Variants in GRIK2 observed in about 807,000 individuals in gnomAD.
GRIK2 encodes glutamate ionotropic receptor kainate type subunit 2.
In GRIK2, 32 loss-of-function variants were observed where a neutral mutation model predicts 100.3. That is an observed-to-expected ratio of 0.32 (90% CI 0.24 to 0.43). GRIK2 has a LOEUF of 0.43. Ranked by LOEUF, GRIK2 falls within the 20% of genes least tolerant of loss-of-function variation. The pLI, the probability that GRIK2 is intolerant of heterozygous loss-of-function variation, is 1.00. For missense variants in GRIK2, 843 were observed against 1,114.9 expected, an observed-to-expected ratio of 0.76 and a Z score of 3.47; for synonymous variants, 417 against 389.4, an observed-to-expected ratio of 1.07 and a Z score of -0.83.
rs1295972240 is a variant in GRIK2, at chr6:101,913,519, A to G, written c.1749-11082A>G. 2.6e-4 allele frequency among the ~76,000 whole-genome samples: 39 copies of G among 151,592 alleles called. No homozygotes were observed. The Admixed American group carries it at 2.6e-3, about 10-fold the overall frequency. On this transcript the variant is annotated intron_variant, in intron 12 of 16. Transcript: ENST00000369134. ...ATGTAAAATTAAAATGACATACTTC[A>G]TTCATTTAATCTATTAGTAAGTGAA...
At chr6:101,983,784 AACCATGTATTTCT>A (rs1177566004) in intron 14 of GRIK2, among the ~76,000 whole-genome samples, 2 of 151,764 alleles carry the variant, frequency 1.3e-5, no homozygotes, top group African/African-American at 4.8e-5. Flanking sequence ...AATGTACAGA[AACCATGTATTTCT>A]AATCCCTTAA....
intron 7 of GRIK2, among the ~76,000 whole-genome samples, chr6:101,705,017 A>G (rs957771114): frequency 1.4e-5 from 2 of 146,942 alleles, no homozygotes; most frequent in Admixed American, 6.9e-5. Context: ...ATTTATATTT[A>G]TATATTATAT....
At chr6:101,424,723 C>A (rs533564018) in intron 2 of GRIK2, among the ~76,000 whole-genome samples, 1 of 151,734 alleles carries the variant, frequency 6.6e-6, no homozygotes, top group South Asian at 2.1e-4. Context: ...CCCTCTCCCC[C>A]CACCCACAAC....
At position 101,651,025 on chromosome 6, in the gene GRIK2, GC is replaced by G. The variant is rs1781765916; in HGVS notation, c.541+24389del. 2.3e-4 allele frequency among the ~76,000 whole-genome samples: 11 copies of G among 48,836 alleles called. No individual in the cohort carries two copies. In the South Asian group the frequency reaches 6.6e-3, roughly 29 times the overall value. The allele number at this position is 48,836 out of a possible 152,430, so 32.0% of individuals were successfully genotyped here. A position where few individuals can be genotyped will look rare whatever the true frequency, so the allele number is the denominator to read the frequency against. On this transcript the variant is annotated intron_variant, in intron 4 of 16. Transcript: ENST00000369134. ...TTTTCTTTTTTTTTTTTTTTTTTTG[GC>G]AACAAATAGCTTTCTTTTAAATTCA...
chr6:102,010,851 C>A (rs1195111924), intron 14 of GRIK2, among the ~76,000 whole-genome samples: 2 of 151,466 alleles, frequency 1.3e-5, no homozygotes, highest in African/African-American at 4.9e-5. Flanking sequence ...TGTTTTCTTT[C>A]TTGGGTAGAG....
chr6:101,445,897 C>T (rs1020682116), intron 2 of GRIK2, among the ~76,000 whole-genome samples: 8 of 152,050 alleles, frequency 5.3e-5, no homozygotes, highest in Non-Finnish European at 7.4e-5. Flanking sequence ...ATTGCAAATA[C>T]TTAGTGAGAT....
intron 10 of GRIK2, among the ~76,000 whole-genome samples, chr6:101,838,453 G>A (rs1055440117): frequency 6.6e-6 from 1 of 151,970 alleles, no homozygotes; most frequent in Non-Finnish European, 1.5e-5. Flanking sequence ...ATGGATTCCA[G>A]CCACATGTGT....
chr6:101,793,723 C>A (rs1181650366), intron 7 of GRIK2, among the ~76,000 whole-genome samples: 2 of 152,092 alleles, frequency 1.3e-5, no homozygotes. Context: ...CTGGGAGAAC[C>A]ACTGCTCTCT....
chr6:102,024,254 G>A (rs1056650628), intron 14 of GRIK2, among the ~76,000 whole-genome samples: 2 of 150,964 alleles, frequency 1.3e-5, no homozygotes, highest in African/African-American at 4.8e-5. Flanking sequence ...AGGTAGGCTG[G>A]AAATGACTTG....
intron 14 of GRIK2, among the ~76,000 whole-genome samples, chr6:101,943,022 G>A (rs998383752): frequency 2.0e-5 from 3 of 152,106 alleles, no homozygotes; most frequent in Non-Finnish European, 4.4e-5. Flanking sequence ...CCTAGGAGGG[G>A]AAAAAAATGG....
intron 14 of GRIK2, among the ~76,000 whole-genome samples, chr6:102,017,205 C>T (rs1769159478): frequency 1.3e-5 from 2 of 152,158 alleles, no homozygotes; most frequent in African/African-American, 2.4e-5. Context: ...AACAAGTTGG[C>T]ATAATAAACA....
chr6:101,467,931 A>T (rs2579936), intron 2 of GRIK2, among the ~76,000 whole-genome samples: 39,709 of 141,062 alleles, frequency 0.28, 5,814 homozygotes, highest in East Asian at 0.36. Flanking sequence ...CCCACGATAT[A>T]TTTTTTTTTT....
intron 2 of GRIK2, chr6:101,430,999 C>T (rs1769351992): frequency 7.6e-6 from 2 of 262,034 alleles, no homozygotes; most frequent in Non-Finnish European, 1.6e-5. Flanking sequence ...CTCCAGAGTC[C>T]ATGACAATAC....
intron 4 of GRIK2, among the ~76,000 whole-genome samples, chr6:101,670,629 G>A (rs17062288): frequency 1.3e-5 from 2 of 152,078 alleles, no homozygotes; most frequent in Admixed American, 6.5e-5. Context: ...GAGCTAATAT[G>A]TAACTATATA....
intron 14 of GRIK2, among the ~76,000 whole-genome samples, chr6:101,936,456 A>T (rs2128474247): frequency 6.6e-6 from 1 of 152,192 alleles, no homozygotes; most frequent in East Asian, 1.9e-4. Flanking sequence ...TTTAATATAA[A>T]TTGGTCATGT....
chr6:101,912,331 C>T (rs1371321998), intron 12 of GRIK2, among the ~76,000 whole-genome samples: 1 of 151,428 alleles, frequency 6.6e-6, no homozygotes, highest in Non-Finnish European at 1.5e-5. Flanking sequence ...CTAACAGACT[C>T]TCTTAAGAAG....
chr6:101,855,817 T>C (rs1784396922), intron 10 of GRIK2, among the ~76,000 whole-genome samples: 1 of 3,752 alleles, frequency 2.7e-4, no homozygotes, highest in Admixed American at 4.5e-3. Flanking sequence ...CTGGGGAGAA[T>C]GGACTGAGGG....
rs182668960 is a variant in GRIK2 at position 101,654,753 on chromosome 6, G to A, written c.542-21870G>A. 6.7e-3 allele frequency among the ~76,000 whole-genome samples: 1,012 copies of A among 152,118 alleles called. 16 individuals carry two copies. The highest frequency in any genetic ancestry group is 0.024 in the Middle Eastern group (7 of 294). On this transcript the variant is annotated intron_variant, in intron 4 of 16. Transcript: ENST00000369134. ...TCTCACAGCTGAGACCTGGGTTATT[G>A]TTCCACTTTAACCTCTATGCCAGAT...
At chr6:101,835,464 CT>C (rs764148146) in intron 10 of GRIK2, among the ~76,000 whole-genome samples, 15,244 of 89,232 alleles carry the variant, frequency 0.17, 771 homozygotes, top group African/African-American at 0.34. Flanking sequence ...CTATGAGTTC[CT>C]TTTTTTTTTT....
Sources: gnomAD v4.1 joint callset for allele counts (sites outside exome capture counted in the v4.1 genomes callset) on GRCh38, gnomAD v4.1.1 for gene constraint, MANE v1.5 for transcripts, NCBI Gene and HGNC (gene_info 2026-07-23, HGNC 2026-07-21) for gene names.